CHN2: variants seen among roughly 807,000 people sequenced by gnomAD.
CHN2 encodes the protein chimerin 2, also known as beta-chimaerin.
CHN2 carries 35 observed loss-of-function variants against 56.3 expected under a neutral mutation model. That is an observed-to-expected ratio of 0.62 (90% confidence interval 0.47 to 0.82). The LOEUF (loss-of-function observed/expected upper bound fraction) is 0.82, where lower values mean the gene tolerates loss of function less well. CHN2 is among the 40% of genes least tolerant of loss of function. The pLI, the probability that CHN2 is intolerant of heterozygous loss-of-function variation, is 0.00. For synonymous variants in CHN2, 210 were observed against 212.8 expected (o/e 0.99, Z 0.12); for missense variants, 491 against 580.5 (o/e 0.85, Z 1.58).
rs1226449718 is a variant in CHN2 at position 29,512,793 on chromosome 7, G to C, written c.*58G>C. On this transcript the variant is annotated 3_prime_UTR_variant, in exon 13 of 13. Transcript: ENST00000222792. ...ACCATCCAAGTTGACACAGCTAAAG[G>C]AATAAAAACATTTCTTACCACTTGA... 2 of 1,535,712 alleles carry C rather than the reference G, an allele frequency of 1.3e-6. No homozygotes were observed. The highest frequency in any genetic ancestry group is 4.1e-5 in the Admixed American group (2 of 48,432).
At chr7:29,499,625 G>A (rs1200988722) in intron 8 of CHN2, among the ~76,000 whole-genome samples, 1 of 152,180 alleles carries the variant, frequency 6.6e-6, no homozygotes, top group Non-Finnish European at 1.5e-5. Flanking sequence ...TGTCTCAGAT[G>A]TTCTGTTCTT....
intron 1 of CHN2, among the ~76,000 whole-genome samples, chr7:29,270,268 C>T (rs538473361): frequency 1.6e-4 from 24 of 152,220 alleles, no homozygotes; most frequent in Non-Finnish European, 3.4e-4. Context: ...ACTCTGAATC[C>T]AGCATGCTCT....
At position 29,309,984 on chromosome 7, in the gene CHN2, T is replaced by C. The variant is rs190555274; in HGVS notation, c.50-44641T>C. ...GGACTCCCTGCCTCAAATGGGCCTCTCCCACCTTGTTCTGTCTCTCATGGG... is the reference window on the plus strand; with the variant it reads ...GGACTCCCTGCCTCAAATGGGCCTCCCCCACCTTGTTCTGTCTCTCATGGG... On this transcript the variant is annotated intron_variant, in intron 1 of 12. Transcript: ENST00000222792. Among the ~76,000 whole-genome samples, 252 of 152,320 alleles carry C rather than the reference T, an allele frequency of 1.7e-3. 1 individual carries two copies. The highest frequency in any genetic ancestry group is 5.6e-3 in the African/African-American group (232 of 41,584).
rs562647269 is a variant in CHN2, at chr7:29,462,984, C to T, written c.577-17295C>T. Among the ~76,000 whole-genome samples the T allele has an allele frequency of 2.0e-4, 28 of 143,050 alleles. No homozygotes were observed. The South Asian group carries it at 6.1e-3, about 31-fold the overall frequency. 93.8% of individuals were successfully genotyped at this position (143,050 alleles called of 152,430 possible). A position where few individuals can be genotyped will look rare whatever the true frequency, so the allele number is the denominator to read the frequency against. ...GGGTTCCCAAGGAAGAGACCTACCT[C>T]CCCACTCCACCTTGAACAGAGGAAT... On this transcript the variant is annotated intron_variant, in intron 6 of 12. Coordinates refer to ENST00000222792, the MANE Select transcript of CHN2 (RefSeq NM_004067.4).
At chr7:29,191,049 C>G (rs1782827949), upstream of CHN2, among the ~76,000 whole-genome samples, 1 of 152,082 alleles carries the variant, frequency 6.6e-6, no homozygotes, top group South Asian at 2.1e-4. Context: ...ATTCTCCCCC[C>G]TCAGCCTCCC....
intron 2 of CHN2, among the ~76,000 whole-genome samples, chr7:29,155,281 A>G (rs1174740981): frequency 2.0e-5 from 3 of 152,228 alleles, no homozygotes; most frequent in Non-Finnish European, 4.4e-5. Flanking sequence ...ACATTTTAAC[A>G]ACATAAGTTA....
chr7:29,276,226 C>T (rs1262921884), intron 1 of CHN2, among the ~76,000 whole-genome samples: 1 of 151,998 alleles, frequency 6.6e-6, no homozygotes, highest in Non-Finnish European at 1.5e-5. Context: ...GAAAGAAATC[C>T]ACGTGGAGTT....
intron 6 of CHN2, among the ~76,000 whole-genome samples, chr7:29,413,522 C>T (rs914987114): frequency 6.6e-6 from 1 of 152,192 alleles, no homozygotes; most frequent in African/African-American, 2.4e-5. Context: ...CTAGAAAGAA[C>T]ATTACATGTA....
At chr7:29,160,120 A>C (rs1794975422) in intron 2 of CHN2, among the ~76,000 whole-genome samples, 1 of 152,132 alleles carries the variant, frequency 6.6e-6, no homozygotes, top group African/African-American at 2.4e-5. Context: ...CTTTCCTAAG[A>C]TCAACATGGT....
intron 2 of CHN2, among the ~76,000 whole-genome samples, chr7:29,180,514 C>A (rs1037476486): frequency 6.7e-6 from 1 of 150,190 alleles, no homozygotes; most frequent in East Asian, 2.0e-4. Flanking sequence ...AGCGACAGAG[C>A]GACAGAGCAA....
chr7:29,293,371 C>CT (rs1562895642), intron 1 of CHN2, among the ~76,000 whole-genome samples: 2 of 122,110 alleles, frequency 1.6e-5, no homozygotes, highest in Non-Finnish European at 3.7e-5. Flanking sequence ...TGCCCCCCCC[C>CT]CCCCCCATAT....
At chr7:29,263,104 A>C (rs987357721) in intron 1 of CHN2, among the ~76,000 whole-genome samples, 4 of 152,008 alleles carry the variant, frequency 2.6e-5, no homozygotes, top group Non-Finnish European at 5.9e-5. Context: ...TACTGCCGCC[A>C]TCTCGGCTCA....
chr7:29,499,530 A>G (rs1005551089), intron 8 of CHN2, among the ~76,000 whole-genome samples: 2 of 152,200 alleles, frequency 1.3e-5, no homozygotes, highest in African/African-American at 4.8e-5. Context: ...TGGGAATCCA[A>G]ACCCGAAAAC....
At chr7:29,301,557 T>C (rs1052221118) in intron 1 of CHN2, among the ~76,000 whole-genome samples, 1 of 152,192 alleles carries the variant, frequency 6.6e-6, no homozygotes, top group African/African-American at 2.4e-5. Flanking sequence ...TGCTACATTG[T>C]AGAGAGTTGG....
intron 2 of CHN2, among the ~76,000 whole-genome samples, chr7:29,151,383 G>C (rs569087955): frequency 6.6e-6 from 1 of 152,264 alleles, no homozygotes; most frequent in South Asian, 2.1e-4. Context: ...AGGTGTTAAG[G>C]CTTTCTTACA....
chr7:29,428,489 C>T (rs540948060), intron 6 of CHN2, among the ~76,000 whole-genome samples: 2 of 152,240 alleles, frequency 1.3e-5, no homozygotes, highest in South Asian at 4.1e-4. Context: ...CCTGGGTTCC[C>T]TGGGACCATT....
chr7:29,220,281 AGAG>A (rs915403181), intron 1 of CHN2, among the ~76,000 whole-genome samples: 57 of 12,358 alleles, frequency 4.6e-3, no homozygotes, highest in African/African-American at 0.013. Flanking sequence ...AAAAAAAAAA[AGAG>A]AGAGAGAGAG....
chr7:29,439,485 C>A (rs1018782870), intron 6 of CHN2, among the ~76,000 whole-genome samples: 3 of 152,164 alleles, frequency 2.0e-5, no homozygotes, highest in African/African-American at 7.2e-5. Context: ...TCCATTCTTG[C>A]GTTTTCTTGT....
chr7:29,444,881 G>T (rs1411458444), intron 6 of CHN2, among the ~76,000 whole-genome samples: 1 of 152,226 alleles, frequency 6.6e-6, no homozygotes, highest in Non-Finnish European at 1.5e-5. Flanking sequence ...TTTGGGGGTT[G>T]TTAGTTTCTA....
Sources: gnomAD v4.1 joint callset for allele counts (sites outside exome capture counted in the v4.1 genomes callset) on GRCh38, gnomAD v4.1.1 for gene constraint, MANE v1.5 for transcripts, NCBI Gene and HGNC (gene_info 2026-07-23, HGNC 2026-07-21) for gene names.